Variants in NBAS observed in about 807,000 individuals in gnomAD.
NBAS encodes NBAS subunit of NRZ tethering complex.
In NBAS, 219 loss-of-function variants were observed where a neutral mutation model predicts 302.5. The ratio of observed to expected loss-of-function variants is 0.72; its 90% CI spans 0.65 to 0.81. The LOEUF is 0.81. Ranked by LOEUF, NBAS falls within the 30% of genes least tolerant of loss-of-function variation. The pLI is 0.00. For missense variants in NBAS, 2,932 were observed against 2,841.6 expected (o/e 1.03, Z -0.72); for synonymous variants, 1,118 against 1,021.6 (o/e 1.09, Z -1.80).
At chr2:15,518,372 C>G (rs200071586) in intron 9 of NBAS, among the ~76,000 whole-genome samples, 3 of 152,020 alleles carry the variant, frequency 2.0e-5, no homozygotes, top group East Asian at 3.9e-4. Flanking sequence ...ATATCATTAG[C>G]GTTATTTGTT....
intron 42 of NBAS, among the ~76,000 whole-genome samples, chr2:15,281,896 G>A (rs1249330569): frequency 5.3e-5 from 8 of 152,132 alleles, no homozygotes; most frequent in Admixed American, 5.2e-4. Context: ...ATATATGGAA[G>A]GAATCACTTC....
the NBAS span, among the ~76,000 whole-genome samples, chr2:15,027,869 A>G: frequency 6.6e-6 from 1 of 152,108 alleles, no homozygotes; most frequent in Non-Finnish European, 1.5e-5. Flanking sequence ...ATTTTATCAC[A>G]TGCCTTAGCC....
At chr2:15,070,979 A>C in the NBAS span, among the ~76,000 whole-genome samples, 5 of 152,110 alleles carry the variant, frequency 3.3e-5, no homozygotes, top group South Asian at 2.1e-4. Flanking sequence ...AGACCCAGAG[A>C]GGAAAAGGAC....
chr2:15,214,725 T>C (rs986967295), intron 48 of NBAS, among the ~76,000 whole-genome samples: 26 of 152,224 alleles, frequency 1.7e-4, no homozygotes, highest in Non-Finnish European at 3.2e-4. Flanking sequence ...TACTGGACTT[T>C]TGTGGCTGTT....
the NBAS span, among the ~76,000 whole-genome samples, chr2:15,106,075 T>G: frequency 6.6e-6 from 1 of 152,148 alleles, no homozygotes. Context: ...AACGAAATAT[T>G]AAAATCACTG....
At chr2:14,799,897 A>T in the NBAS span, among the ~76,000 whole-genome samples, 77 of 152,332 alleles carry the variant, frequency 5.1e-4, 1 homozygote, top group African/African-American at 1.7e-3. Context: ...GTTTAGTGAT[A>T]GTATGGATTA....
At chr2:15,036,525 T>A in the NBAS span, among the ~76,000 whole-genome samples, 1 of 152,204 alleles carries the variant, frequency 6.6e-6, no homozygotes, top group African/African-American at 2.4e-5. Flanking sequence ...ACTGAGTCAC[T>A]TTCCACCTTA....
the NBAS span, among the ~76,000 whole-genome samples, chr2:15,058,477 A>G: frequency 6.6e-6 from 1 of 152,234 alleles, no homozygotes; most frequent in African/African-American, 2.4e-5. Flanking sequence ...CAAAAAGTAT[A>G]TTTCTACCAC....
intron 44 of NBAS, among the ~76,000 whole-genome samples, chr2:15,240,446 CAAA>C (rs1175235771): frequency 1.3e-5 from 1 of 75,382 alleles, no homozygotes; most frequent in Non-Finnish European, 3.1e-5. Context: ...ACTAAAAATA[CAAA>C]AAAAAAAAAA....
At chr2:15,025,145 G>A in the NBAS span, among the ~76,000 whole-genome samples, 1 of 152,124 alleles carries the variant, frequency 6.6e-6, no homozygotes, top group Non-Finnish European at 1.5e-5. Context: ...TTTTGTATAT[G>A]GTATAAGAAA....
chr2:14,857,096 C>T, the NBAS span, among the ~76,000 whole-genome samples: 2 of 152,082 alleles, frequency 1.3e-5, no homozygotes, highest in Non-Finnish European at 1.5e-5. Flanking sequence ...AAATTAAATA[C>T]CTAGGAATTA....
At chr2:15,420,416 G>C (rs972932014) in intron 23 of NBAS, among the ~76,000 whole-genome samples, 1 of 152,140 alleles carries the variant, frequency 6.6e-6, no homozygotes, top group East Asian at 1.9e-4. Flanking sequence ...ACAAAAAGCA[G>C]AGTGGCTATT....
the NBAS span, among the ~76,000 whole-genome samples, chr2:14,783,792 T>C: frequency 4.6e-5 from 7 of 152,102 alleles, no homozygotes; most frequent in African/African-American, 7.2e-5. Context: ...TGTGTGCATA[T>C]GTCTTTATAG....
At chr2:15,402,482 A>G (rs1676203066) in intron 25 of NBAS, among the ~76,000 whole-genome samples, 181 bp from the exon 26 acceptor site, 1 of 152,180 alleles carries the variant, frequency 6.6e-6, no homozygotes, top group African/African-American at 2.4e-5. Flanking sequence ...TCACATTTTA[A>G]TTACAGATCA....
At chr2:15,344,787 A>T (rs1673013842) in intron 35 of NBAS, among the ~76,000 whole-genome samples, 2 of 152,228 alleles carry the variant, frequency 1.3e-5, no homozygotes, top group African/African-American at 4.8e-5. Flanking sequence ...AACCGAATCC[A>T]GTACCACATC....
intron 35 of NBAS, among the ~76,000 whole-genome samples, chr2:15,337,129 TTTAA>T (rs1291597531): frequency 1.3e-5 from 2 of 152,154 alleles, no homozygotes; most frequent in Non-Finnish European, 2.9e-5. Flanking sequence ...AAAAAATCCA[TTTAA>T]TTGTTTAAAT....
In NBAS at chr2:15,517,188, T is replaced by A. The variant is rs534702572; in HGVS notation, c.747-5838A>T. Among the ~76,000 whole-genome samples, 6 of 152,218 alleles carry A rather than the reference T, an allele frequency of 3.9e-5. 1 individual carries two copies. In the South Asian group the frequency reaches 1.0e-3, roughly 26 times the overall value. On this transcript the variant is annotated intron_variant, in intron 9 of 51. Transcript: ENST00000281513. ...TAGGTTTAGAGGTATATGTTCAGGG[T>A]TTTTATATAGGTAAATTGTGTGTCG...
the NBAS span, among the ~76,000 whole-genome samples, chr2:15,106,819 C>T: frequency 6.6e-6 from 1 of 151,986 alleles, no homozygotes; most frequent in African/African-American, 2.4e-5. Flanking sequence ...GGAGGTAATA[C>T]AGTTGATCAA....
chr2:14,938,085 G>A, the NBAS span, among the ~76,000 whole-genome samples: 3 of 152,020 alleles, frequency 2.0e-5, no homozygotes, highest in Admixed American at 1.3e-4. Context: ...CCAGGATCGC[G>A]CCACTGCACT....
Sources: gnomAD v4.1 joint callset for allele counts (sites outside exome capture counted in the v4.1 genomes callset) on GRCh38, gnomAD v4.1.1 for gene constraint, MANE v1.5 for transcripts, NCBI Gene and HGNC (gene_info 2026-07-23, HGNC 2026-07-21) for gene names.